NFATC1: variants seen among roughly 807,000 people sequenced by gnomAD.
NFATC1 encodes nuclear factor of activated T cells 1.
NFATC1 carries 22 observed loss-of-function variants against 76.0 expected under a neutral mutation model. The observed-to-expected ratio is 0.29, with a 90% CI of 0.21 to 0.41. The LOEUF is 0.41. Ranked by LOEUF, NFATC1 falls within the 10% of genes least tolerant of loss-of-function variation. NFATC1 has a pLI of 1.00. For missense variants in NFATC1, 1,357 were observed against 1,337.7 expected, an observed-to-expected ratio of 1.01 and a Z score of -0.23; for synonymous variants, 704 against 613.1, an observed-to-expected ratio of 1.15 and a Z score of -2.19.
chr18:79,470,028 T>A, intron 8 of NFATC1: 1 of 984,970 alleles, frequency 1.0e-6, no homozygotes. Flanking sequence ...CAGGTATCCG[T>A]GTTCCGTCCC....
At chr18:79,473,066 G>C (rs909363276) in intron 8 of NFATC1, among the ~76,000 whole-genome samples, 3 of 152,244 alleles carry the variant, frequency 2.0e-5, no homozygotes, top group African/African-American at 7.2e-5. Context: ...TTTCAGCCCA[G>C]CTCTGCCGCA....
chr18:79,407,841 G>A lies in NFATC1; in HGVS notation c.128-2562G>A, dbSNP rs763377901. Reference sequence around the variant, plus strand: ...GGCATTTCTTTACGATGGGGAAGGCGGGACTGGGGCCTGGCTAGCACCATC... The same window carrying A: ...GGCATTTCTTTACGATGGGGAAGGCAGGACTGGGGCCTGGCTAGCACCATC... On this transcript the variant is annotated intron_variant, in intron 1 of 9. Transcript: ENST00000427363. Among the ~76,000 whole-genome samples, 10 of 152,282 alleles carry A rather than the reference G, an allele frequency of 6.6e-5. No individual in the cohort carries two copies. In the South Asian group the frequency reaches 8.3e-4, roughly 13 times the overall value.
chr18:79,402,011 C>G (rs1376752564), intron 1 of NFATC1, among the ~76,000 whole-genome samples: 3 of 152,204 alleles, frequency 2.0e-5, no homozygotes, highest in African/African-American at 7.2e-5. Flanking sequence ...CTGGGTCTCC[C>G]CGGCCTCCCA....
At chr18:79,461,853 C>T (rs1278692517) in intron 7 of NFATC1, among the ~76,000 whole-genome samples, 7 of 152,238 alleles carry the variant, frequency 4.6e-5, no homozygotes, top group Non-Finnish European at 1.0e-4. Context: ...GGACTCCTCA[C>T]CCCGTCCTCC....
At chr18:79,472,933 G>A (rs1294892088) in intron 8 of NFATC1, among the ~76,000 whole-genome samples, 4 of 152,314 alleles carry the variant, frequency 2.6e-5, no homozygotes, top group South Asian at 4.1e-4. Context: ...GGCACCCCTC[G>A]TGCGCCCTCC....
At chr18:79,396,569 C>G (rs576242900) in intron 1 of NFATC1, among the ~76,000 whole-genome samples, 1 of 152,154 alleles carries the variant, frequency 6.6e-6, no homozygotes, top group African/African-American at 2.4e-5. Flanking sequence ...CAATAGGTGT[C>G]TCCTCTGCCC....
In NFATC1 at chr18:79,486,302, G is replaced by A. The variant is rs370228834; in HGVS notation, c.2147G>A (p.Gly716Glu). The A allele has an allele frequency of 6.8e-6, 11 of 1,612,998 alleles. No homozygotes were observed. In the African/African-American group the frequency reaches 1.5e-4, roughly 22 times the overall value. Residue 716 changes from glycine to glutamate, a missense_variant, in exon 9 of 10, where the codon GGA (glycine) becomes GAA (glutamate). This residue lies in a region of NFATC1 where 424 missense variants were observed against 395.4 expected (regional missense o/e 1.07). Transcript: ENST00000427363. ...TDDYEPAPTC[G>E]PVSQGLSPLP... ...GATTATGAGCCTGCTCCAACCTGTG[G>A]ACCGGTGAGCCAGGGGTTAAGTCCT...
At chr18:79,455,505 G>A (rs548149768) in intron 6 of NFATC1, among the ~76,000 whole-genome samples, 6 of 152,320 alleles carry the variant, frequency 3.9e-5, no homozygotes, top group African/African-American at 1.4e-4. Flanking sequence ...CTGTGCCAGG[G>A]CTCCTAGGCC....
intron 4 of NFATC1, among the ~76,000 whole-genome samples, chr18:79,450,143 C>T (rs1406885051): frequency 1.3e-5 from 2 of 152,168 alleles, no homozygotes; most frequent in Admixed American, 6.5e-5. Context: ...CAGCCAGGAC[C>T]GCGCTCCAGC....
chr18:79,442,462 C>T (rs1361202466), intron 3 of NFATC1, among the ~76,000 whole-genome samples: 1 of 152,264 alleles, frequency 6.6e-6, no homozygotes, highest in Non-Finnish European at 1.5e-5. Flanking sequence ...CTTCCAGCAC[C>T]TTCTCTGGGC....
chr18:79,412,522 C>T (rs1362390159), intron 2 of NFATC1, among the ~76,000 whole-genome samples: 2 of 151,448 alleles, frequency 1.3e-5, no homozygotes, highest in Non-Finnish European at 2.9e-5. Flanking sequence ...GAGCGGAGGG[C>T]AGGTGCAGCC....
chr18:79,511,754 G>A (rs1402474884), intron 9 of NFATC1, among the ~76,000 whole-genome samples: 1 of 152,090 alleles, frequency 6.6e-6, no homozygotes, highest in Non-Finnish European at 1.5e-5. Context: ...CTCAGTGGGG[G>A]GCCAGCCGGT....
rs1228568156 is a variant in NFATC1 at position 79,528,108 on chromosome 18, G to A, written c.*531G>A. ...ACTCTAGTATGAGTCTCCAACATTT[G>A]GAACGTTTCCTGGGCTGTCACGTAC... On this transcript the variant is annotated 3_prime_UTR_variant, in exon 10 of 10. Transcript: ENST00000427363. 1 of 399,252 alleles carries A rather than the reference G, an allele frequency of 2.5e-6. No homozygotes were observed. The highest frequency in any genetic ancestry group is 2.1e-5 in the African/African-American group (1 of 48,632). 24.7% of individuals were successfully genotyped at this position (399,252 alleles called of 1,614,324 possible). A position where few individuals can be genotyped will look rare whatever the true frequency, so the allele number is the denominator to read the frequency against.
At chr18:79,455,324 G>A (rs1045340664) in intron 6 of NFATC1, among the ~76,000 whole-genome samples, 7 of 152,240 alleles carry the variant, frequency 4.6e-5, no homozygotes, top group Admixed American at 1.3e-4. Flanking sequence ...CACGGGTCTC[G>A]TCAGTGGTCG....
chr18:79,399,872 A>C (rs1600570521), intron 1 of NFATC1, among the ~76,000 whole-genome samples: 1 of 148,850 alleles, frequency 6.7e-6, no homozygotes. Context: ...TCGGGCTGGG[A>C]CCTCCCCACT....
intron 1 of NFATC1, chr18:79,400,191 GTTTA>G (rs1205637794): frequency 5.1e-6 from 6 of 1,170,130 alleles, no homozygotes; most frequent in East Asian, 4.1e-5. Flanking sequence ...TGTCCGGGGA[GTTTA>G]TTTAAAACTC....
At chr18:79,415,465 G>A (rs961919115) in intron 2 of NFATC1, among the ~76,000 whole-genome samples, 2 of 151,292 alleles carry the variant, frequency 1.3e-5, no homozygotes, top group African/African-American at 2.4e-5. Flanking sequence ...TGTATTTTTA[G>A]TAGAGATGGG....
intron 2 of NFATC1, 45 bp downstream of exon 2, chr18:79,411,546 C>T (rs771897134): frequency 2.8e-5 from 27 of 964,526 alleles, no homozygotes; most frequent in South Asian, 2.0e-4. Context: ...AGGGGAGGCG[C>T]GGGGCGGGGC....
intron 9 of NFATC1, among the ~76,000 whole-genome samples, chr18:79,510,993 G>C (rs981824618): frequency 1.3e-5 from 2 of 152,202 alleles, no homozygotes; most frequent in Non-Finnish European, 2.9e-5. Flanking sequence ...CGTGTTCCCA[G>C]CCAGGCTGGG....
Sources: gnomAD v4.1 joint callset for allele counts (sites outside exome capture counted in the v4.1 genomes callset) on GRCh38, gnomAD v4.1.1 for gene constraint, gnomAD v4.1.1 regional missense constraint, MANE v1.5 for transcripts, NCBI Gene and HGNC (gene_info 2026-07-23, HGNC 2026-07-21) for gene names.